Variants in PKHD1 observed in about 807,000 individuals in gnomAD.
PKHD1 encodes the protein fibrocystin.
Under a neutral mutation model 412.0 loss-of-function variants are expected in PKHD1, and 291 were observed. That is an observed-to-expected ratio of 0.71 (90% CI 0.64 to 0.78). The LOEUF (loss-of-function observed/expected upper bound fraction) is 0.78. Ranked by LOEUF, PKHD1 falls within the 30% of genes least tolerant of loss-of-function variation. The probability of loss-of-function intolerance (pLI) is 0.00; values close to 1 mark genes in which losing one functional copy is unlikely to be tolerated. For missense variants in PKHD1, 4,825 were observed against 4,950.7 expected, an observed-to-expected ratio of 0.97 and a Z score of 0.76; for synonymous variants, 1,777 against 1,821.5, an observed-to-expected ratio of 0.98 and a Z score of 0.62.
At chr6:51,951,843 C>A (rs1416749928) in intron 36 of PKHD1, among the ~76,000 whole-genome samples, 1 of 152,112 alleles carries the variant, frequency 6.6e-6, no homozygotes, top group African/African-American at 2.4e-5. Context: ...CAGACCAAGT[C>A]CTGCATGACC....
At chr6:51,685,427 C>A (rs7763121) in intron 60 of PKHD1, among the ~76,000 whole-genome samples, 1 of 151,928 alleles carries the variant, frequency 6.6e-6, no homozygotes, top group Non-Finnish European at 1.5e-5. Context: ...TTTCCTCTTA[C>A]TTGTTTTAAA....
chr6:51,984,317 G>C (rs1795948876), intron 35 of PKHD1, among the ~76,000 whole-genome samples: 1 of 152,300 alleles, frequency 6.6e-6, no homozygotes, highest in Non-Finnish European at 1.5e-5. Context: ...TAACCAAGTA[G>C]TTTCCCCAAG....
At chr6:52,077,880 C>T (rs1245648002) in intron 5 of PKHD1, among the ~76,000 whole-genome samples, 1 of 151,914 alleles carries the variant, frequency 6.6e-6, no homozygotes, top group African/African-American at 2.4e-5. Context: ...CCCCACCCTC[C>T]CAGCCAACCA....
chr6:52,013,246 G>A lies in PKHD1; in HGVS notation c.5601-2787C>T, dbSNP rs1002438797. On this transcript the variant is annotated intron_variant, in intron 34 of 66. Coordinates refer to ENST00000371117, the MANE Select transcript of PKHD1 (RefSeq NM_138694.4). ...GGCAGAGGTACAAGTAAAATGGGCT[G>A]AGTCACTCTACCCTCTGTTTGCCTG... 2.6e-5 allele frequency among the ~76,000 whole-genome samples: 4 copies of A among 152,122 alleles called. No individual in the cohort carries two copies. In the East Asian group the frequency reaches 7.7e-4, roughly 29 times the overall value.
At chr6:52,068,684 C>T (rs1157510972) in intron 11 of PKHD1, among the ~76,000 whole-genome samples, 1 of 152,178 alleles carries the variant, frequency 6.6e-6, no homozygotes, top group African/African-American at 2.4e-5. Context: ...TCTATAGCAG[C>T]TATCGTTATC....
At chr6:51,651,928 G>A (rs1456602083) in intron 61 of PKHD1, among the ~76,000 whole-genome samples, 1 of 152,230 alleles carries the variant, frequency 6.6e-6, no homozygotes, top group South Asian at 2.1e-4. Context: ...CAGTGGGGTC[G>A]TCAGTAAACT....
chr6:51,892,505 G>A (rs970082987), intron 43 of PKHD1, among the ~76,000 whole-genome samples: 5 of 152,164 alleles, frequency 3.3e-5, no homozygotes, highest in African/African-American at 4.8e-5. Context: ...GTTATACAGA[G>A]GATAGGCTCG....
At chr6:51,799,096 C>G (rs1795019232) in intron 52 of PKHD1, among the ~76,000 whole-genome samples, 1 of 140,954 alleles carries the variant, frequency 7.1e-6, no homozygotes, top group South Asian at 2.6e-4. Context: ...GATGTTCTCA[C>G]TTTTATTTTC....
intron 36 of PKHD1, among the ~76,000 whole-genome samples, chr6:51,935,792 T>A (rs1787380269): frequency 6.6e-6 from 1 of 152,228 alleles, no homozygotes; most frequent in Admixed American, 6.5e-5. Context: ...AAGGTTCTTT[T>A]GATATTCCCG....
intron 35 of PKHD1, among the ~76,000 whole-genome samples, chr6:51,971,558 G>A (rs1324389412): frequency 6.6e-6 from 1 of 152,098 alleles, no homozygotes; most frequent in Non-Finnish European, 1.5e-5. Context: ...AAGATATACA[G>A]TAAATACCAC....
At chr6:51,886,796 G>A (rs1192346551) in intron 44 of PKHD1, among the ~76,000 whole-genome samples, 1 of 152,180 alleles carries the variant, frequency 6.6e-6, no homozygotes, top group Non-Finnish European at 1.5e-5. Flanking sequence ...TTTGCTAAGA[G>A]GTCAGATTTT....
intron 22 of PKHD1, 32 bp from the exon 23 acceptor site, chr6:52,048,651 C>T: frequency 6.2e-7 from 1 of 1,613,242 alleles, no homozygotes. Flanking sequence ...GTATTAACGT[C>T]TGGGTTGGGG....
chr6:51,817,962 G>A (rs1212334984), intron 52 of PKHD1, among the ~76,000 whole-genome samples: 2 of 152,212 alleles, frequency 1.3e-5, no homozygotes, highest in Non-Finnish European at 2.9e-5. Flanking sequence ...CAGTCAGATG[G>A]GTTGTCATTA....
intron 1 of PKHD1, among the ~76,000 whole-genome samples, chr6:52,086,489 A>G (rs979776881): frequency 3.9e-5 from 6 of 152,084 alleles, no homozygotes; most frequent in Admixed American, 6.6e-5. Context: ...AAGCTACAAT[A>G]TACTCCCCCC....
At chr6:51,694,650 C>T (rs776951491) in intron 60 of PKHD1, among the ~76,000 whole-genome samples, 7 of 149,998 alleles carry the variant, frequency 4.7e-5, no homozygotes, top group Non-Finnish European at 1.0e-4. Flanking sequence ...CTGCCTCAGC[C>T]TCCCAAAGTG....
chr6:51,735,968 A>G (rs544545074), intron 60 of PKHD1, among the ~76,000 whole-genome samples: 1 of 152,248 alleles, frequency 6.6e-6, no homozygotes, highest in African/African-American at 2.4e-5. Flanking sequence ...ACACAGTTCA[A>G]TCTGAACCTT....
chr6:51,712,417 T>C (rs1471822629), intron 60 of PKHD1, among the ~76,000 whole-genome samples: 2 of 152,194 alleles, frequency 1.3e-5, no homozygotes, highest in Non-Finnish European at 2.9e-5. Context: ...TTTAGTATTT[T>C]TGTAATAATA....
chr6:51,786,852 C>T (rs142106272), intron 53 of PKHD1, among the ~76,000 whole-genome samples: 234 of 152,266 alleles, frequency 1.5e-3, no homozygotes, highest in African/African-American at 5.4e-3. Flanking sequence ...AAAGAATGGA[C>T]ACACATGTGA....
At chr6:51,846,309 T>C (rs929982493) in intron 50 of PKHD1, among the ~76,000 whole-genome samples, 1 of 152,202 alleles carries the variant, frequency 6.6e-6, no homozygotes, top group African/African-American at 2.4e-5. Flanking sequence ...TAGGCACAAG[T>C]GAAAGAGGCA....
Sources: gnomAD v4.1 joint callset for allele counts (sites outside exome capture counted in the v4.1 genomes callset) on GRCh38, gnomAD v4.1.1 for gene constraint, MANE v1.5 for transcripts, NCBI Gene and HGNC (gene_info 2026-07-23, HGNC 2026-07-21) for gene names.